SPAG9: variants seen among roughly 807,000 people sequenced by gnomAD.
SPAG9 encodes C-Jun-amino-terminal kinase-interacting protein 4.
SPAG9 carries 35 observed loss-of-function variants against 166.5 expected under a neutral mutation model. The ratio of observed to expected loss-of-function variants is 0.21; its 90% CI spans 0.16 to 0.28. The LOEUF (loss-of-function observed/expected upper bound fraction) is 0.28. Among genes scored for constraint, SPAG9 ranks in the 10% least tolerant of loss-of-function variants. The probability of loss-of-function intolerance (pLI) is 1.00; values close to 1 mark genes in which losing one functional copy is unlikely to be tolerated. For missense variants in SPAG9, 1,235 were observed against 1,603.3 expected, an observed-to-expected ratio of 0.77 and a Z score of 3.92; for synonymous variants, 534 against 565.5, an observed-to-expected ratio of 0.94 and a Z score of 0.79.
At chr17:51,022,615 T>C (rs1221767365) in intron 6 of SPAG9, among the ~76,000 whole-genome samples, 2 of 150,546 alleles carry the variant, frequency 1.3e-5, no homozygotes, top group Non-Finnish European at 3.0e-5. Flanking sequence ...TGACAAAAAG[T>C]TTACAGCCAC....
chr17:51,029,689 T>C (rs2046316909), intron 6 of SPAG9, among the ~76,000 whole-genome samples: 2 of 152,208 alleles, frequency 1.3e-5, no homozygotes, highest in Non-Finnish European at 2.9e-5. Context: ...CATAATTCTA[T>C]TTATGTGCGG....
chr17:51,005,065 C>T (rs1418070612), intron 12 of SPAG9, 147 bp downstream of exon 12: 3 of 665,376 alleles, frequency 4.5e-6, no homozygotes, highest in South Asian at 2.0e-5. Context: ...CATGCAGAAG[C>T]ATGAGCTATC....
chr17:51,085,959 A>ATTTTTTTTT (rs34918673), intron 1 of SPAG9, among the ~76,000 whole-genome samples: 3 of 88,064 alleles, frequency 3.4e-5, no homozygotes, highest in East Asian at 3.0e-4. Flanking sequence ...CTTGGAAATC[A>ATTTTTTTTT]TTTTTTTTTT....
In SPAG9 at chr17:50,985,717, C is replaced by T; in HGVS notation, c.3001G>A (p.Asp1001Asn). The T allele has an allele frequency of 1.2e-6, 2 of 1,600,718 alleles. No individual in the cohort carries two copies. Among genetic ancestry groups the T allele is most frequent in the Non-Finnish European group, 1.7e-6 (2 of 1,169,046 alleles). The change falls in exon 23 of 30, where the codon GAT becomes AAT. Residue 1001 changes from aspartate to asparagine, a missense_variant. Asp to Asn is a conservative substitution (Grantham distance 23). Coordinates refer to ENST00000262013, the MANE Select transcript of SPAG9 (RefSeq NM_001130528.3). Reference sequence around the variant, plus strand: ...ACTTACACAATACTGAGAATCGAATCTTTAAGTTTAATGGAATGGAGACAT... The same window carrying T: ...ACTTACACAATACTGAGAATCGAATTTTTAAGTTTAATGGAATGGAGACAT... ...RKCLHSIKLK[D>N]SILSIVHVKG...
At chr17:51,042,089 G>C (rs2144402431) in intron 4 of SPAG9, among the ~76,000 whole-genome samples, 1 of 152,258 alleles carries the variant, frequency 6.6e-6, no homozygotes, top group Non-Finnish European at 1.5e-5. Context: ...AGCTTCTTCA[G>C]GGTATGACTT....
In SPAG9 at chr17:51,060,874, G is replaced by C. The variant is rs564726764; in HGVS notation, c.425-4392C>G. ...TTTTTTTTTTTTTCCTTGAGACAGA[G>C]TCTCACTCTGTCCCCAGGCTGGAGT... On this transcript the variant is annotated intron_variant, in intron 2 of 29. Transcript: ENST00000262013. Among the ~76,000 whole-genome samples, 19 of 145,944 alleles carry C rather than the reference G, an allele frequency of 1.3e-4. No homozygotes were observed. In the East Asian group the frequency reaches 3.2e-3, roughly 25 times the overall value.
rs1254127719 is a variant in SPAG9 at position 51,120,417 on chromosome 17, G to A, written c.240C>T (p.Asp80=). 6.2e-7 allele frequency: 1 copy of A among 1,612,510 alleles called. No homozygotes were observed. The highest frequency in any genetic ancestry group is 2.2e-5 in the East Asian group (1 of 44,812). Residue 80 remains aspartate (D), a synonymous_variant, in exon 1 of 30, where the codon GAC becomes GAT. Coordinates refer to ENST00000262013, the MANE Select transcript of SPAG9 (RefSeq NM_001130528.3). The surrounding 1 kb of genome is among the most constrained non-coding windows in gnomAD (Gnocchi z 4.7). ...ACTGGGTGATGAGCTGCTCGTTGTC[G>A]TCCCGCAGCAGCTCCAGCTCCACCT... The part of the protein sequence containing the change: ...EHQVELELLR[D]DNEQLITQYE...
At position 51,052,516 on chromosome 17, in the gene SPAG9, C is replaced by T. The variant is rs143145762; in HGVS notation, c.495+3896G>A. On this transcript the variant is annotated intron_variant, in intron 3 of 29. Coordinates refer to ENST00000262013, the MANE Select transcript of SPAG9 (RefSeq NM_001130528.3). ...GAGATCTATGAAAAGAGCTTTTGGG[C>T]GGCGTGGGAAATCTGCCTTGGTTAC... Among the ~76,000 whole-genome samples, 353 of 152,086 alleles carry T rather than the reference C, an allele frequency of 2.3e-3. 2 individuals are homozygous for T. The highest frequency in any genetic ancestry group is 7.9e-3 in the African/African-American group (326 of 41,486).
At chr17:51,108,314 G>GA (rs1427161723) in intron 1 of SPAG9, among the ~76,000 whole-genome samples, 1 of 150,588 alleles carries the variant, frequency 6.6e-6, no homozygotes, top group East Asian at 2.0e-4. Context: ...TTGAACCCAG[G>GA]AGGCAGAGGT....
At chr17:50,970,512 CA>C (rs369375320) in intron 29 of SPAG9, among the ~76,000 whole-genome samples, 194 bp downstream of exon 29, 143 of 73,466 alleles carry the variant, frequency 1.9e-3, no homozygotes, top group Admixed American at 2.9e-3. Context: ...GACGTCATCT[CA>C]AAAAAAAAAA....
At chr17:50,996,544 C>T (rs1288750619) in intron 16 of SPAG9, 21 bp downstream of exon 16, 1 of 1,613,924 alleles carries the variant, frequency 6.2e-7, no homozygotes, top group South Asian at 1.1e-5. Context: ...GCTGGATGCT[C>T]TTACCACATG....
At position 51,010,210 on chromosome 17, in the gene SPAG9, T is replaced by A. The variant is rs543274982; in HGVS notation, c.1214-2884A>T. Among the ~76,000 whole-genome samples, 6 of 152,200 alleles carry A rather than the reference T, an allele frequency of 3.9e-5. 1 individual carries two copies. The highest frequency in any genetic ancestry group is 8.8e-5 in the Non-Finnish European group (6 of 68,024). ...ACAATTTTATCTAGTTCTACATGTG[T>A]GTTTTTCCAAAGGTACATTGCTCTC... is the stretch of plus-strand genomic sequence containing the variant. On this transcript the variant is annotated intron_variant, in intron 9 of 29. Transcript: ENST00000262013.
intron 1 of SPAG9, among the ~76,000 whole-genome samples, chr17:51,080,798 T>C (rs1395545599): frequency 4.1e-5 from 6 of 146,420 alleles, no homozygotes; most frequent in Non-Finnish European, 5.9e-5. Context: ...GGAGAGTTGC[T>C]TGAACCGGGA....
intron 9 of SPAG9, chr17:51,007,894 A>C (rs778136808): frequency 2.3e-6 from 1 of 435,274 alleles, no homozygotes; most frequent in Non-Finnish European, 4.6e-6. Flanking sequence ...ACAAAGAACA[A>C]GAAATGTTTT....
chr17:50,966,399 T>C lies in SPAG9; in HGVS notation c.3851-12A>G, dbSNP rs2143527606. 4 of 1,474,816 alleles carry C rather than the reference T, an allele frequency of 2.7e-6. No individual in the cohort carries two copies. Among genetic ancestry groups the C allele is most frequent in the East Asian group, 2.3e-5 (1 of 44,224 alleles). 91.4% of individuals were successfully genotyped at this position (1,474,816 alleles called of 1,614,324 possible). ...TCCACCTTCATCACCTAGTGAATGA[T>C]AAGAAGACTCAAGTTAGGCTGAACA... On this transcript the variant is annotated splice_polypyrimidine_tract_variant and intron_variant, in intron 29 of 29. Coordinates refer to ENST00000262013, the MANE Select transcript of SPAG9 (RefSeq NM_001130528.3).
rs147793787 is a variant in SPAG9, at chr17:51,091,366, G to A, written c.304-11662C>T. 2.0e-5 allele frequency among the ~76,000 whole-genome samples: 3 copies of A among 152,042 alleles called. No individual in the cohort carries two copies. In the East Asian group the frequency reaches 5.8e-4, roughly 29 times the overall value. On this transcript the variant is annotated intron_variant, in intron 1 of 29. Transcript: ENST00000262013. The stretch of plus-strand genomic sequence containing the variant: ...TGACTTAATTGCTTGCCAGTGGCAT[G>A]ACTTTATAAGTTGGTCACCCTCTAC...
Position 50,964,818 on chromosome 17 carries a change from T to C in SPAG9, c.*1454A>G, listed in dbSNP as rs1249612712. The C allele has an allele frequency of 2.6e-6, 1 of 378,360 alleles. No individual in the cohort carries two copies. 23.4% of individuals were successfully genotyped at this position (378,360 alleles called of 1,614,324 possible). The stretch of plus-strand genomic sequence containing the variant: ...CCCAGGCTGGAGTGCAGTGGTGCTA[T>C]CAAGGCTCACTGCAACCTCCACCTC... On this transcript the variant is annotated 3_prime_UTR_variant, in exon 30 of 30. Transcript: ENST00000262013.
chr17:51,041,374 C>A (rs1338481151), intron 5 of SPAG9, 127 bp downstream of exon 5: 1 of 837,884 alleles, frequency 1.2e-6, no homozygotes, highest in Non-Finnish European at 1.7e-6. Context: ...ATTTAAAAAA[C>A]CAATTTTACA....
chr17:50,968,182 A>C (rs1200074651), intron 29 of SPAG9, among the ~76,000 whole-genome samples: 4 of 152,186 alleles, frequency 2.6e-5, no homozygotes. Context: ...TCAATTTCTA[A>C]AGTTCACACT....
Sources: allele counts gnomAD v4.1 joint callset (sites outside exome capture counted in the v4.1 genomes callset), GRCh38; gene constraint gnomAD v4.1.1; non-coding constraint Gnocchi (gnomAD v3.1); transcripts MANE v1.5; gene names NCBI Gene and HGNC (gene_info 2026-07-23, HGNC 2026-07-21).